SPOCK3: variants seen among roughly 807,000 people sequenced by gnomAD.
The protein encoded by SPOCK3 is SPARC (osteonectin), cwcv and kazal like domains proteoglycan 3, also known as testican-3.
Under a neutral mutation model 56.6 loss-of-function variants are expected in SPOCK3, and 30 were observed. The observed-to-expected ratio is 0.53, with a 90% CI of 0.40 to 0.72. SPOCK3 has a LOEUF of 0.72. Among genes scored for constraint, SPOCK3 ranks in the 30% least tolerant of loss-of-function variants. The pLI is 0.00. For missense variants in SPOCK3, 527 were observed against 530.0 expected (o/e 0.99, Z 0.06); for synonymous variants, 196 against 183.3 (o/e 1.07, Z -0.56).
At chr4:167,026,755 T>C (rs1030892006) in intron 3 of SPOCK3, among the ~76,000 whole-genome samples, 1 of 151,978 alleles carries the variant, frequency 6.6e-6, no homozygotes, top group Non-Finnish European at 1.5e-5. Context: ...ATTCATCCTG[T>C]ATGTTAAATT....
At chr4:167,116,705 CG>C (rs1401959952) in intron 2 of SPOCK3, among the ~76,000 whole-genome samples, 153 of 97,838 alleles carry the variant, frequency 1.6e-3, no homozygotes, top group Non-Finnish European at 2.3e-3. Flanking sequence ...AGTATATATA[CG>C]TATATAGTAT....
Position 166,888,822 on chromosome 4 carries a change from A to C in SPOCK3, c.589+308T>G, listed in dbSNP as rs575899856. 1.3e-4 allele frequency among the ~76,000 whole-genome samples: 19 copies of C among 150,356 alleles called. 1 individual carries two copies. Among genetic ancestry groups the C allele is most frequent in the African/African-American group, 4.4e-4 (18 of 41,350 alleles). On this transcript the variant is annotated intron_variant, in intron 6 of 10. Transcript: ENST00000357545. ...CAGTTTTCTGCTCTAAAAGAAAAAA[A>C]TGATATAAAACACATGTTTTAGACA...
chr4:166,734,965 C>T lies in SPOCK3; in HGVS notation c.1258G>A (p.Gly420Arg), dbSNP rs1409400981. The change falls in exon 11 of 11, where the codon GGG becomes AGG. Residue 420 changes from glycine to arginine, a missense_variant. Transcript: ENST00000357545. ...DEIEDDDEDE[G>R]DDDDGGDDHD... The stretch of plus-strand genomic sequence containing the variant: ...TCATCACCACCATCATCATCATCCC[C>T]TTCATCTTCATCATCATCTTCAATT... 3 of 1,517,222 alleles carry T rather than the reference C, an allele frequency of 2.0e-6. No individual in the cohort carries two copies. The highest frequency in any genetic ancestry group is 2.7e-6 in the Non-Finnish European group (3 of 1,093,528). The allele number at this position is 1,517,222 out of a possible 1,614,324, so 94.0% of individuals were successfully genotyped here. A position where few individuals can be genotyped will look rare whatever the true frequency, so the allele number is the denominator to read the frequency against.
intron 4 of SPOCK3, among the ~76,000 whole-genome samples, chr4:166,943,612 GA>G (rs1476393092): frequency 6.6e-6 from 1 of 152,058 alleles, no homozygotes; most frequent in African/African-American, 2.4e-5. Context: ...AATGTTTAAG[GA>G]AAACTGAAAA....
chr4:167,146,649 T>G (rs1314606573), intron 2 of SPOCK3, among the ~76,000 whole-genome samples: 2 of 152,208 alleles, frequency 1.3e-5, no homozygotes, highest in South Asian at 2.1e-4. Flanking sequence ...AACTCAGGAT[T>G]AAGAAACTCA....
chr4:167,088,684 C>T (rs1758427406), intron 2 of SPOCK3, among the ~76,000 whole-genome samples: 1 of 151,938 alleles, frequency 6.6e-6, no homozygotes, highest in South Asian at 2.1e-4. Flanking sequence ...AGGATGGTCT[C>T]AATCTCTTGA....
intron 2 of SPOCK3, among the ~76,000 whole-genome samples, chr4:167,152,986 C>T (rs767244078): frequency 1.3e-5 from 2 of 152,082 alleles, no homozygotes; most frequent in African/African-American, 2.4e-5. Context: ...TAAAGAAATC[C>T]AATCATATCT....
intron 4 of SPOCK3, among the ~76,000 whole-genome samples, chr4:166,942,818 A>G (rs1741261866): frequency 6.6e-6 from 1 of 152,208 alleles, no homozygotes; most frequent in Non-Finnish European, 1.5e-5. Flanking sequence ...TGTCTTATAA[A>G]AAGTCTATTA....
intron 3 of SPOCK3, among the ~76,000 whole-genome samples, chr4:167,027,809 G>A (rs374093890): frequency 1.3e-5 from 2 of 151,892 alleles, no homozygotes; most frequent in East Asian, 1.9e-4. Flanking sequence ...TGAGTAAGCC[G>A]AGGAGGAGGA....
chr4:166,998,898 A>G (rs578087074), intron 4 of SPOCK3, among the ~76,000 whole-genome samples: 9 of 152,192 alleles, frequency 5.9e-5, no homozygotes, highest in African/African-American at 2.2e-4. Context: ...TCACATACTA[A>G]TGTTTTTAAA....
chr4:167,232,851 G>A (rs1737317607), intron 2 of SPOCK3, among the ~76,000 whole-genome samples: 1 of 152,174 alleles, frequency 6.6e-6, no homozygotes, highest in South Asian at 2.1e-4. Context: ...GAGAGGCTGA[G>A]AGAATGGGTT....
At chr4:167,097,265 C>A (rs1399160846) in intron 2 of SPOCK3, among the ~76,000 whole-genome samples, 1 of 151,738 alleles carries the variant, frequency 6.6e-6, no homozygotes, top group Non-Finnish European at 1.5e-5. Context: ...TTGTTTTCTG[C>A]CTTCTCAGTT....
intron 8 of SPOCK3, among the ~76,000 whole-genome samples, chr4:166,743,817 G>T (rs1219775126): frequency 2.6e-5 from 4 of 152,208 alleles, no homozygotes; most frequent in Non-Finnish European, 5.9e-5. Flanking sequence ...TCCTGCGCCT[G>T]GTTTGGTGGG....
At chr4:166,930,908 C>T (rs186305243) in intron 4 of SPOCK3, among the ~76,000 whole-genome samples, 263 of 152,198 alleles carry the variant, frequency 1.7e-3, no homozygotes, top group Admixed American at 3.6e-3. Context: ...TTTGCCAAAA[C>T]GGGTAAGTGG....
chr4:167,125,864 T>G (rs188254364), intron 2 of SPOCK3, among the ~76,000 whole-genome samples: 1 of 152,308 alleles, frequency 6.6e-6, no homozygotes. Flanking sequence ...CATCTTGGCT[T>G]CATTTCATGT....
intron 2 of SPOCK3, among the ~76,000 whole-genome samples, chr4:167,109,235 T>G (rs1760591471): frequency 1.1e-5 from 1 of 88,464 alleles, no homozygotes; most frequent in Non-Finnish European, 2.0e-5. Flanking sequence ...ATAATATATA[T>G]TTAATATTTA....
At chr4:166,792,423 C>G in intron 6 of SPOCK3, 134 bp from the exon 7 acceptor site, 1 of 836,452 alleles carries the variant, frequency 1.2e-6, no homozygotes, top group East Asian at 2.7e-5. Context: ...TCAGCTTTTT[C>G]AAAGTTAAAT....
At chr4:167,089,668 T>C (rs1758532881) in intron 2 of SPOCK3, among the ~76,000 whole-genome samples, 1 of 152,192 alleles carries the variant, frequency 6.6e-6, no homozygotes, top group Non-Finnish European at 1.5e-5. Flanking sequence ...GCATGTCATA[T>C]TTCTCCCTTT....
chr4:167,229,107 G>T (rs966813672), intron 2 of SPOCK3, among the ~76,000 whole-genome samples: 1 of 152,152 alleles, frequency 6.6e-6, no homozygotes, highest in Non-Finnish European at 1.5e-5. Flanking sequence ...GTTTCATAGT[G>T]AGAAACACTG....
Sources: gnomAD v4.1 joint callset for allele counts (sites outside exome capture counted in the v4.1 genomes callset) on GRCh38, gnomAD v4.1.1 for gene constraint, MANE v1.5 for transcripts, NCBI Gene and HGNC (gene_info 2026-07-23, HGNC 2026-07-21) for gene names.